The following AGBL1 variants were observed in gnomAD, a reference collection of about 807,000 sequenced individuals.
The protein encoded by AGBL1 is AGBL carboxypeptidase 1, also known as cytosolic carboxypeptidase 4.
Under a neutral mutation model 118.9 loss-of-function variants are expected in AGBL1, and 130 were observed. The ratio of observed to expected loss-of-function variants is 1.09; its 90% CI spans 0.95 to 1.26. AGBL1 has a LOEUF of 1.26. Ranked by LOEUF, AGBL1 falls within the 50% of genes most tolerant of loss-of-function variation. The pLI, the probability that AGBL1 is intolerant of heterozygous loss-of-function variation, is 0.00. For synonymous variants in AGBL1, 555 were observed against 478.9 expected (o/e 1.16, Z -2.08); for missense variants, 1,584 against 1,298.1 (o/e 1.22, Z -3.38).
intron 21 of AGBL1, among the ~76,000 whole-genome samples, chr15:86,632,190 C>G (rs1479642655): frequency 6.6e-6 from 1 of 151,004 alleles, no homozygotes; most frequent in African/African-American, 2.4e-5. Flanking sequence ...ATCACTTGAG[C>G]CCAGGAGTTC....
chr15:86,485,762 A>C (rs1297488961), intron 18 of AGBL1, among the ~76,000 whole-genome samples: 1 of 152,134 alleles, frequency 6.6e-6, no homozygotes, highest in Non-Finnish European at 1.5e-5. Flanking sequence ...AGATGTGTTT[A>C]ATTTTTATTC....
intron 5 of AGBL1, among the ~76,000 whole-genome samples, chr15:86,182,299 C>G (rs920385096): frequency 1.3e-5 from 2 of 151,840 alleles, no homozygotes; most frequent in African/African-American, 4.8e-5. Context: ...TCTTCCCTTT[C>G]TCTTCTCTCC....
intron 22 of AGBL1, among the ~76,000 whole-genome samples, chr15:86,756,781 TAGAC>T (rs544689557): frequency 2.2e-3 from 337 of 152,114 alleles, no homozygotes; most frequent in Middle Eastern, 0.014. Flanking sequence ...AGGGAAAAAA[TAGAC>T]AGAGCTTGTC....
At chr15:86,984,914 C>T (rs575320773) in intron 23 of AGBL1, among the ~76,000 whole-genome samples, 2 of 152,184 alleles carry the variant, frequency 1.3e-5, no homozygotes, top group African/African-American at 4.8e-5. Context: ...TGGTCACAGA[C>T]AACCGATGAT....
At chr15:86,738,952 A>T (rs1015882401) in intron 22 of AGBL1, among the ~76,000 whole-genome samples, 5 of 152,116 alleles carry the variant, frequency 3.3e-5, no homozygotes, top group African/African-American at 1.2e-4. Context: ...AGCCTAGGAA[A>T]CAAAATGAGA....
At chr15:86,452,275 A>G (rs890871362) in intron 18 of AGBL1, among the ~76,000 whole-genome samples, 3 of 152,164 alleles carry the variant, frequency 2.0e-5, no homozygotes, top group Non-Finnish European at 4.4e-5. Flanking sequence ...AGTATGTGGT[A>G]TTCCCTTTCT....
intron 22 of AGBL1, among the ~76,000 whole-genome samples, chr15:86,698,423 G>A (rs1053070286): frequency 1.3e-5 from 2 of 151,922 alleles, no homozygotes; most frequent in Admixed American, 1.3e-4. Flanking sequence ...TACGAATAAG[G>A]ATTTGTCTGA....
At chr15:86,687,887 T>C (rs1455814286) in intron 22 of AGBL1, among the ~76,000 whole-genome samples, 2 of 152,132 alleles carry the variant, frequency 1.3e-5, no homozygotes, top group East Asian at 3.9e-4. Flanking sequence ...GCCAGGTCAG[T>C]ACAATCACCT....
chr15:86,813,919 G>A (rs956345352), intron 22 of AGBL1, among the ~76,000 whole-genome samples: 1 of 152,266 alleles, frequency 6.6e-6, no homozygotes, highest in African/African-American at 2.4e-5. Flanking sequence ...ACATAGAATT[G>A]ACCCTGAACC....
intron 18 of AGBL1, among the ~76,000 whole-genome samples, chr15:86,461,558 G>A (rs533275732): frequency 6.6e-6 from 1 of 152,058 alleles, no homozygotes; most frequent in Non-Finnish European, 1.5e-5. Context: ...AGATTTCACA[G>A]GAGTATCACG....
intron 22 of AGBL1, among the ~76,000 whole-genome samples, chr15:86,782,882 C>G (rs1294191124): frequency 6.6e-6 from 1 of 152,170 alleles, no homozygotes; most frequent in Non-Finnish European, 1.5e-5. Context: ...TTAAATTTGA[C>G]AAGCCCCAAA....
intron 17 of AGBL1, among the ~76,000 whole-genome samples, chr15:86,359,963 A>G (rs2080778915): frequency 6.6e-6 from 1 of 151,990 alleles, no homozygotes; most frequent in African/African-American, 2.4e-5. Flanking sequence ...GGTTTTCTAC[A>G]TATATATCAT....
chr15:86,874,840 T>C (rs1283807564), intron 22 of AGBL1, among the ~76,000 whole-genome samples: 1 of 152,116 alleles, frequency 6.6e-6, no homozygotes, highest in Non-Finnish European at 1.5e-5. Context: ...TTTAATCCTA[T>C]TACTTTTAAA....
chr15:86,912,884 C>G lies in AGBL1; in HGVS notation c.*5590C>G, dbSNP rs1312097941. Reference sequence around the variant, plus strand: ...GAAAGACATGCATAGTAGCCTGGTGCCCACCAGGAGGGCTTTTCTGGGCAA... The same window carrying G: ...GAAAGACATGCATAGTAGCCTGGTGGCCACCAGGAGGGCTTTTCTGGGCAA... On this transcript the variant is annotated 3_prime_UTR_variant, in exon 23 of 23. Transcript: ENST00000614907. The G allele has an allele frequency of 6.6e-6, 1 of 152,154 alleles. No individual in the cohort carries two copies. Among genetic ancestry groups the G allele is most frequent in the Non-Finnish European group, 1.5e-5 (1 of 68,026 alleles). The allele number at this position is 152,154 out of a possible 1,614,324, so 9.4% of individuals were successfully genotyped here.
chr15:86,245,162 A>T (rs1467206572), intron 6 of AGBL1, among the ~76,000 whole-genome samples: 1 of 152,054 alleles, frequency 6.6e-6, no homozygotes, highest in Non-Finnish European at 1.5e-5. Context: ...TTTGACAAAC[A>T]AGCAGAAAAA....
chr15:86,155,157 T>C (rs948609497), intron 4 of AGBL1, among the ~76,000 whole-genome samples: 2 of 152,182 alleles, frequency 1.3e-5, no homozygotes, highest in Non-Finnish European at 2.9e-5. Flanking sequence ...TTTATAGTTT[T>C]GAAAAAGAAA....
chr15:86,405,156 C>A (rs2081506347), intron 18 of AGBL1, among the ~76,000 whole-genome samples: 1 of 152,270 alleles, frequency 6.6e-6, no homozygotes, highest in Admixed American at 6.5e-5. Context: ...ATATAATTGA[C>A]TATCTAAGTG....
At chr15:86,543,453 T>G (rs1024710803) in intron 19 of AGBL1, among the ~76,000 whole-genome samples, 9 of 152,206 alleles carry the variant, frequency 5.9e-5, no homozygotes, top group Non-Finnish European at 1.0e-4. Flanking sequence ...TCTTTTACTG[T>G]CGTGTGTTTC....
At chr15:86,466,786 C>A (rs1403274448) in intron 18 of AGBL1, among the ~76,000 whole-genome samples, 3 of 152,170 alleles carry the variant, frequency 2.0e-5, no homozygotes, top group Admixed American at 2.0e-4. Context: ...TGCTTTAGGT[C>A]CACTCCAGAT....
Sources: gnomAD v4.1 joint callset for allele counts (sites outside exome capture counted in the v4.1 genomes callset) on GRCh38, gnomAD v4.1.1 for gene constraint, MANE v1.5 for transcripts, NCBI Gene and HGNC (gene_info 2026-07-23, HGNC 2026-07-21) for gene names.